PPP3CC: variants seen among roughly 807,000 people sequenced by gnomAD.
The protein encoded by PPP3CC is serine/threonine-protein phosphatase 2B catalytic subunit gamma isoform.
A neutral mutation model predicts 60.3 loss-of-function variants in PPP3CC; 35 were observed. That is an observed-to-expected ratio of 0.58 (90% CI 0.44 to 0.77). PPP3CC has a LOEUF of 0.77. Among genes scored for constraint, PPP3CC ranks in the 30% least tolerant of loss-of-function variants. PPP3CC has a pLI of 0.00. For synonymous variants in PPP3CC, 206 were observed against 224.3 expected (o/e 0.92, Z 0.73); for missense variants, 570 against 628.9 (o/e 0.91, Z 1.00).
intron 3 of PPP3CC, among the ~76,000 whole-genome samples, chr8:22,497,149 C>G (rs1039551911): frequency 6.6e-6 from 1 of 152,178 alleles, no homozygotes; most frequent in Admixed American, 6.5e-5. Context: ...CATGCCTCAG[C>G]CTCCCGAGTA....
rs569435298 is a variant in PPP3CC at position 22,506,944 on chromosome 8, T to A, written c.485-4142T>A. Among the ~76,000 whole-genome samples the A allele has an allele frequency of 1.6e-3, 233 of 148,602 alleles. 4 individuals are homozygous for A. Among genetic ancestry groups the A allele is most frequent in the African/African-American group, 5.4e-3 (221 of 40,686 alleles). ...CAAATAAATAAATTAATTAATTAAT[T>A]AATTAAATTAAATAAATAAAAAATA... On this transcript the variant is annotated intron_variant, in intron 4 of 13. Coordinates refer to ENST00000240139, the MANE Select transcript of PPP3CC (RefSeq NM_005605.5).
In PPP3CC at chr8:22,464,879, G is replaced by A. The variant is rs779875693; in HGVS notation, c.50-10075G>A. ...TGGAGAATGAGTATGCCAAGAGACC[G>A]AGGCAGAATCTGCAAAATCACTTCT... On this transcript the variant is annotated intron_variant, in intron 1 of 13. Transcript: ENST00000240139. Among the ~76,000 whole-genome samples the A allele has an allele frequency of 4.8e-4, 73 of 152,100 alleles. 1 individual carries two copies. The highest frequency in any genetic ancestry group is 8.5e-4 in the Non-Finnish European group (58 of 68,012).
chr8:22,491,125 T>A (rs893544396), intron 3 of PPP3CC, among the ~76,000 whole-genome samples: 1 of 152,196 alleles, frequency 6.6e-6, no homozygotes, highest in East Asian at 1.9e-4. Context: ...CTTTCTAACA[T>A]GAACACTGCT....
At chr8:22,523,972 G>A (rs2117124061) in intron 8 of PPP3CC, among the ~76,000 whole-genome samples, 1 of 152,330 alleles carries the variant, frequency 6.6e-6, no homozygotes, top group Middle Eastern at 3.4e-3. Context: ...CAAGGAGTCA[G>A]TCTAGTCCTG....
At chr8:22,454,281 G>C (rs889300683) in intron 1 of PPP3CC, among the ~76,000 whole-genome samples, 2 of 152,110 alleles carry the variant, frequency 1.3e-5, no homozygotes, top group African/African-American at 4.8e-5. Context: ...CCTCCAGAGA[G>C]TCAGGATGAT....
intron 3 of PPP3CC, among the ~76,000 whole-genome samples, chr8:22,490,974 T>C (rs928612342): frequency 2.6e-5 from 4 of 152,192 alleles, no homozygotes; most frequent in African/African-American, 7.2e-5. Flanking sequence ...TATCCAGTAA[T>C]GGGATAAGAT....
At chr8:22,533,960 AG>A (rs1483297703) in intron 12 of PPP3CC, among the ~76,000 whole-genome samples, 1 of 152,178 alleles carries the variant, frequency 6.6e-6, no homozygotes, top group Non-Finnish European at 1.5e-5. Flanking sequence ...GCACTTTGGG[AG>A]GCTGAGGCAG....
intron 3 of PPP3CC, among the ~76,000 whole-genome samples, chr8:22,485,822 T>C (rs1267477462): frequency 1.3e-5 from 2 of 152,096 alleles, no homozygotes; most frequent in Non-Finnish European, 2.9e-5. Context: ...AAAAGCGAAA[T>C]GTTATGTGTT....
intron 1 of PPP3CC, among the ~76,000 whole-genome samples, chr8:22,472,324 A>C (rs926516337): frequency 6.0e-5 from 9 of 149,578 alleles, no homozygotes; most frequent in African/African-American, 2.2e-4. Context: ...TAAAAAGTTT[A>C]AATTTTTTTT....
chr8:22,531,691 A>G (rs556377837), intron 10 of PPP3CC, among the ~76,000 whole-genome samples: 1 of 152,390 alleles, frequency 6.6e-6, no homozygotes, highest in Non-Finnish European at 1.5e-5. Context: ...TGTAAGTAGT[A>G]TCGTGAGGCA....
At chr8:22,488,604 A>G (rs1286810230) in intron 3 of PPP3CC, among the ~76,000 whole-genome samples, 1 of 152,236 alleles carries the variant, frequency 6.6e-6, no homozygotes, top group African/African-American at 2.4e-5. Context: ...TCTAACAGGG[A>G]GATGCACAAG....
At chr8:22,535,392 A>G (rs1839821154) in intron 12 of PPP3CC, among the ~76,000 whole-genome samples, 2 of 152,254 alleles carry the variant, frequency 1.3e-5, no homozygotes, top group African/African-American at 4.8e-5. Context: ...GTATTGAAGC[A>G]TTAATATCTT....
At chr8:22,483,396 C>T (rs1838128036) in intron 3 of PPP3CC, among the ~76,000 whole-genome samples, 2 of 152,184 alleles carry the variant, frequency 1.3e-5, no homozygotes, top group Admixed American at 1.3e-4. Flanking sequence ...ACGCCATTCT[C>T]CTGCCTCAGC....
At chr8:22,518,415 AT>A (rs1839311362) in intron 6 of PPP3CC, among the ~76,000 whole-genome samples, 1 of 152,022 alleles carries the variant, frequency 6.6e-6, no homozygotes. Context: ...TAAGTTATTG[AT>A]TTCTAGTTTC....
chr8:22,539,554 GA>G, intron 13 of PPP3CC, 56 bp downstream of exon 13: 1 of 1,538,226 alleles, frequency 6.5e-7, no homozygotes, highest in Non-Finnish European at 8.9e-7. Flanking sequence ...CTGGTTTTTC[GA>G]AGCTTTATCA....
intron 3 of PPP3CC, among the ~76,000 whole-genome samples, chr8:22,489,650 A>AATAAGTATAT (rs1554535085): frequency 2.2e-4 from 21 of 93,858 alleles, no homozygotes; most frequent in African/African-American, 7.4e-4. Context: ...TATAATATAC[A>AATAAGTATAT]ATAAGTATAT....
chr8:22,463,668 T>C (rs552475412), intron 1 of PPP3CC, among the ~76,000 whole-genome samples: 3 of 152,236 alleles, frequency 2.0e-5, no homozygotes, highest in Admixed American at 6.5e-5. Flanking sequence ...TCTAGGACTT[T>C]CTTTCATTTA....
chr8:22,444,084 G>T (rs1041674455), intron 1 of PPP3CC, among the ~76,000 whole-genome samples: 5 of 152,246 alleles, frequency 3.3e-5, no homozygotes, highest in African/African-American at 1.2e-4. Flanking sequence ...CCTTTAAATA[G>T]CAGCTTTCTT....
At chr8:22,444,543 C>T (rs1482358967) in intron 1 of PPP3CC, among the ~76,000 whole-genome samples, 2 of 152,140 alleles carry the variant, frequency 1.3e-5, no homozygotes, top group African/African-American at 4.8e-5. Context: ...GGTGAAATCT[C>T]GTCGGTAACA....
Sources: gnomAD v4.1 joint callset for allele counts (sites outside exome capture counted in the v4.1 genomes callset) on GRCh38, gnomAD v4.1.1 for gene constraint, MANE v1.5 for transcripts, NCBI Gene and HGNC (gene_info 2026-07-23, HGNC 2026-07-21) for gene names.